The following MBP variants were observed in gnomAD, a reference collection of about 807,000 sequenced individuals.
MBP encodes Golli-MBP.
Under a neutral mutation model 35.8 loss-of-function variants are expected in MBP, and 16 were observed. That is an observed-to-expected ratio of 0.45 (90% CI 0.30 to 0.68). The LOEUF (loss-of-function observed/expected upper bound fraction) is 0.68, where lower values mean the gene tolerates loss of function less well. MBP is among the 30% of genes least tolerant of loss of function. MBP has a pLI of 0.08. For synonymous variants in MBP, 143 were observed against 159.6 expected (o/e 0.90, Z 0.78); for missense variants, 380 against 404.7 (o/e 0.94, Z 0.52).
At chr18:77,009,761 C>G in intron 4 of MBP, 2 of 1,226,186 alleles carry the variant, frequency 1.6e-6, no homozygotes, top group Non-Finnish European at 2.3e-6. Flanking sequence ...GGCAGTGACA[C>G]TACCTGCCCC....
chr18:77,100,315 G>A (rs1975946301), intron 2 of MBP, among the ~76,000 whole-genome samples: 1 of 152,178 alleles, frequency 6.6e-6, no homozygotes, highest in South Asian at 2.1e-4. Context: ...CCAACCCTTG[G>A]CACCTTGCTG....
At chr18:77,038,805 T>C (rs1460261154) in intron 3 of MBP, among the ~76,000 whole-genome samples, 1 of 152,242 alleles carries the variant, frequency 6.6e-6, no homozygotes, top group East Asian at 1.9e-4. Flanking sequence ...TCTTGTTAGC[T>C]TTTTATGTAA....
At chr18:77,009,736 TG>T (rs1311885976) in intron 4 of MBP, 3 of 931,796 alleles carry the variant, frequency 3.2e-6, no homozygotes, top group Non-Finnish European at 4.9e-6. Flanking sequence ...CCCCGGAGGC[TG>T]GGGGTGGGCC....
intron 2 of MBP, among the ~76,000 whole-genome samples, chr18:77,091,908 A>G (rs1049947286): frequency 3.9e-5 from 6 of 152,168 alleles, no homozygotes; most frequent in Non-Finnish European, 7.3e-5. Context: ...ACAGAGATAT[A>G]ATTTTTCACA....
intron 1 of MBP, chr18:77,112,658 G>C (rs1048503628): frequency 2.0e-5 from 3 of 152,428 alleles, no homozygotes; most frequent in African/African-American, 7.2e-5. Flanking sequence ...CGGGCGGCCA[G>C]GACAGGGGCC....
At chr18:77,100,963 G>A (rs566769965) in intron 2 of MBP, among the ~76,000 whole-genome samples, 1 of 152,176 alleles carries the variant, frequency 6.6e-6, no homozygotes, top group Non-Finnish European at 1.5e-5. Context: ...TTCAGAGAAA[G>A]CTGAGGGACA....
At chr18:76,993,550 C>CAAAAA (rs60296914) in intron 4 of MBP, among the ~76,000 whole-genome samples, 4 of 112,832 alleles carry the variant, frequency 3.5e-5, no homozygotes, top group South Asian at 2.8e-4. Context: ...ACTTTGTCTC[C>CAAAAA]AAAAAAAAAA....
chr18:77,097,906 CTT>C (rs3214874), intron 2 of MBP, among the ~76,000 whole-genome samples: 15 of 150,612 alleles, frequency 1.0e-4, no homozygotes, highest in East Asian at 2.0e-4. Context: ...CAAATCAAAT[CTT>C]TTTTTTAAAA....
At chr18:77,015,040 A>G (rs1036256717) in intron 4 of MBP, 64 of 983,088 alleles carry the variant, frequency 6.5e-5, no homozygotes, top group Non-Finnish European at 7.5e-5. Flanking sequence ...GTTTTCTTTG[A>G]AAATATTGAA....
chr18:77,066,513 A>G (rs963452886), intron 2 of MBP, 128 bp from the exon 3 acceptor site: 55 of 788,342 alleles, frequency 7.0e-5, no homozygotes, highest in Non-Finnish European at 1.2e-4. Context: ...TTTTCAAGAT[A>G]GAATATAGAG....
At chr18:77,015,502 G>T in intron 4 of MBP, 6 of 985,356 alleles carry the variant, frequency 6.1e-6, no homozygotes, top group African/African-American at 3.5e-5. Context: ...CAAAGGAAAA[G>T]AACATGTCTA....
chr18:77,028,848 A>G (rs1348784811), intron 3 of MBP, among the ~76,000 whole-genome samples: 1,239 of 71,504 alleles, frequency 0.017, 1 homozygote, highest in East Asian at 0.033. Context: ...CTCACTTCCC[A>G]GATGTGATGG....
At chr18:77,095,018 C>T (rs767815675) in intron 2 of MBP, among the ~76,000 whole-genome samples, 8 of 152,166 alleles carry the variant, frequency 5.3e-5, no homozygotes, top group Non-Finnish European at 1.0e-4. Context: ...CCAACAAATG[C>T]GAGCTGTGAC....
In MBP at chr18:77,083,345, A is replaced by AT. The variant is rs537861740; in HGVS notation, c.52-16961dup. ...ATCAACCCTGAGGACCCAGAGGAAAATTACAACGACGTCCAGGACCCTTTT... is the reference window on the plus strand; with the variant it reads ...ATCAACCCTGAGGACCCAGAGGAAAATTTACAACGACGTCCAGGACCCTTTT... On this transcript the variant is annotated intron_variant, in intron 2 of 8. Coordinates refer to ENST00000355994, the MANE Select transcript of MBP (RefSeq NM_001025101.2). Among the ~76,000 whole-genome samples, 136 of 152,338 alleles carry AT rather than the reference A, an allele frequency of 8.9e-4. 1 individual carries two copies. The highest frequency in any genetic ancestry group is 2.9e-3 in the African/African-American group (122 of 41,572).
At position 76,980,096 on chromosome 18, in the gene MBP, T is replaced by C. The variant is rs1408510563; in HGVS notation, c.*331A>G. 2.9e-6 allele frequency: 2 copies of C among 696,230 alleles called. No homozygotes were observed. The highest frequency in any genetic ancestry group is 5.2e-6 in the Non-Finnish European group (2 of 383,074). The allele number at this position is 696,230 out of a possible 1,614,324, so 43.1% of individuals were successfully genotyped here. On this transcript the variant is annotated 3_prime_UTR_variant, in exon 9 of 9. Transcript: ENST00000355994. ...TGCCGCAGCCACGGCGAAAAGAAAG[T>C]CCAAGGGTGGAGGGGTGAACGTGGA... is the stretch of plus-strand genomic sequence containing the variant.
At chr18:77,021,738 C>T (rs1218649178) in intron 3 of MBP, among the ~76,000 whole-genome samples, 2 of 152,288 alleles carry the variant, frequency 1.3e-5, no homozygotes, top group Admixed American at 1.3e-4. Flanking sequence ...CTGCCTCGGC[C>T]CCGCAAAGTG....
At chr18:76,991,585 G>A (rs1969921158) in intron 4 of MBP, among the ~76,000 whole-genome samples, 1 of 152,178 alleles carries the variant, frequency 6.6e-6, no homozygotes, top group Non-Finnish European at 1.5e-5. Context: ...GGACTCGGGG[G>A]AGCTTGCGAG....
intron 2 of MBP, among the ~76,000 whole-genome samples, chr18:77,071,895 T>C (rs895740526): frequency 1.1e-4 from 17 of 152,174 alleles, no homozygotes; most frequent in African/African-American, 3.9e-4. Context: ...ACCGTGTTTA[T>C]TTTTTCTGAG....
At chr18:77,074,167 G>A (rs1445068079) in intron 2 of MBP, among the ~76,000 whole-genome samples, 1 of 152,192 alleles carries the variant, frequency 6.6e-6, no homozygotes. Context: ...GGTAGACAGT[G>A]CCCACGTGGG....
Sources: allele counts gnomAD v4.1 joint callset (sites outside exome capture counted in the v4.1 genomes callset), GRCh38; gene constraint gnomAD v4.1.1; transcripts MANE v1.5; gene names NCBI Gene and HGNC (gene_info 2026-07-23, HGNC 2026-07-21).